SPMIP10: variants seen among roughly 807,000 people sequenced by gnomAD.
SPMIP10 encodes sperm microtubule inner protein 10.
the SPMIP10 span, among the ~76,000 whole-genome samples, chr5:126,632,248 T>G: frequency 2.3e-5 from 2 of 85,438 alleles, no homozygotes; most frequent in Non-Finnish European, 3.9e-5. Context: ...GATAATGCAC[T>G]CCATCTCATT....
At chr5:126,631,757 G>T in the SPMIP10 span, 2 of 1,611,942 alleles carry the variant, frequency 1.2e-6, no homozygotes, top group African/African-American at 2.7e-5. Flanking sequence ...AAAGATACTT[G>T]TCCTACTTTG....
chr5:126,632,425 C>T, the SPMIP10 span: 1 of 621,920 alleles, frequency 1.6e-6, no homozygotes. Context: ...AATGGCACAG[C>T]CGTCTGTCCT....
At chr5:126,636,118 T>C in the SPMIP10 span, 2 of 1,613,922 alleles carry the variant, frequency 1.2e-6, no homozygotes, top group Non-Finnish European at 1.7e-6. Flanking sequence ...ATGGGGAAGA[T>C]CGTAAAGTTG....
chr5:126,632,250 C>A, the SPMIP10 span, among the ~76,000 whole-genome samples: 3 of 94,742 alleles, frequency 3.2e-5, no homozygotes, highest in Admixed American at 1.2e-4. Flanking sequence ...TAATGCACTC[C>A]ATCTCATTAA....
chr5:126,634,766 T>C, the SPMIP10 span, among the ~76,000 whole-genome samples: 12,344 of 152,216 alleles, frequency 0.081, 1,690 homozygotes, highest in African/African-American at 0.28. Context: ...GTAAAGTGAA[T>C]GTGCCCACAC....
chr5:126,632,258 T>TAAA, the SPMIP10 span, among the ~76,000 whole-genome samples: 69 of 57,188 alleles, frequency 1.2e-3, 4 homozygotes, highest in East Asian at 3.9e-3. Flanking sequence ...TCCATCTCAT[T>TAAA]AAAAAAAAAA....
the SPMIP10 span, among the ~76,000 whole-genome samples, chr5:126,635,186 A>G: frequency 6.7e-6 from 1 of 150,334 alleles, no homozygotes. Context: ...ATATATATAT[A>G]TATATATATA....
At chr5:126,632,168 G>A in the SPMIP10 span, among the ~76,000 whole-genome samples, 2 of 149,394 alleles carry the variant, frequency 1.3e-5, no homozygotes, top group South Asian at 4.3e-4. Context: ...AGAGGCCAAG[G>A]TGGGTGGTTC....
the SPMIP10 span, chr5:126,636,039 A>C: frequency 6.2e-7 from 1 of 1,612,824 alleles, no homozygotes; most frequent in Non-Finnish European, 8.5e-7. Context: ...TAGCAAGCAG[A>C]AGTGTGTGGG....
chr5:126,636,157 A>G, the SPMIP10 span: 3 of 1,614,186 alleles, frequency 1.9e-6, no homozygotes, highest in East Asian at 6.7e-5. Flanking sequence ...CAGAAATAAA[A>G]ATTGCAGATA....
the SPMIP10 span, among the ~76,000 whole-genome samples, chr5:126,634,415 C>T: frequency 1.3e-5 from 2 of 152,096 alleles, no homozygotes; most frequent in African/African-American, 4.8e-5. Context: ...GGCAACAGAG[C>T]AAGACTCCAT....
At chr5:126,633,955 G>A in the SPMIP10 span, among the ~76,000 whole-genome samples, 3 of 152,026 alleles carry the variant, frequency 2.0e-5, no homozygotes, top group East Asian at 1.9e-4. Context: ...CACTGTACCC[G>A]GCTCCAGTCA....
the SPMIP10 span, among the ~76,000 whole-genome samples, chr5:126,632,836 A>G: frequency 6.6e-6 from 1 of 151,566 alleles, no homozygotes; most frequent in Non-Finnish European, 1.5e-5. Context: ...AAAATATGAA[A>G]ATTAGCTGGG....
the SPMIP10 span, among the ~76,000 whole-genome samples, chr5:126,635,817 G>A: frequency 1.3e-5 from 2 of 150,144 alleles, no homozygotes; most frequent in East Asian, 1.9e-4. Flanking sequence ...CGCGTGCCAC[G>A]ACACCCACCT....
the SPMIP10 span, among the ~76,000 whole-genome samples, chr5:126,632,107 A>G: frequency 6.6e-6 from 1 of 151,622 alleles, no homozygotes; most frequent in Non-Finnish European, 1.5e-5. Flanking sequence ...CTTAAAGTCA[A>G]GTTAAAATGG....
chr5:126,635,953 C>T, the SPMIP10 span: 1 of 1,225,964 alleles, frequency 8.2e-7, no homozygotes, highest in South Asian at 1.3e-5. Flanking sequence ...TGAGCCATGG[C>T]TCCTGATGAA....
the SPMIP10 span, among the ~76,000 whole-genome samples, chr5:126,633,034 A>ATAG: frequency 2.9e-3 from 316 of 108,282 alleles, 4 homozygotes; most frequent in South Asian, 2.0e-3. Flanking sequence ...TATATATATA[A>ATAG]TTTAGTATGT....
chr5:126,631,876 C>A, the SPMIP10 span: 2 of 1,064,064 alleles, frequency 1.9e-6, no homozygotes, highest in Non-Finnish European at 2.9e-6. Flanking sequence ...AACCTGGGAG[C>A]CACAAAGATA....
the SPMIP10 span, among the ~76,000 whole-genome samples, chr5:126,634,646 T>C: frequency 6.6e-6 from 1 of 152,210 alleles, no homozygotes; most frequent in Non-Finnish European, 1.5e-5. Context: ...AAAACACTTA[T>C]TCTTGACCTT....
Sources: gnomAD v4.1 joint callset for allele counts (sites outside exome capture counted in the v4.1 genomes callset) on GRCh38, gnomAD v4.1.1 for gene constraint, MANE v1.5 for transcripts, NCBI Gene and HGNC (gene_info 2026-07-23, HGNC 2026-07-21) for gene names.